CRX: variants seen among roughly 807,000 people sequenced by gnomAD.
CRX encodes the protein cone-rod homeobox, also known as cone-rod homeobox protein.
CRX carries 5 observed loss-of-function variants against 13.1 expected under a neutral mutation model. The observed-to-expected ratio is 0.38, with a 90% CI of 0.20 to 0.80. The LOEUF is 0.80. CRX is among the 30% of genes least tolerant of loss of function. The pLI is 0.43. For synonymous variants in CRX, 179 were observed against 171.1 expected (o/e 1.05, Z -0.36); for missense variants, 351 against 391.8 (o/e 0.90, Z 0.88).
At chr19:47,823,256 A>C (rs913482475) in intron 1 of CRX, among the ~76,000 whole-genome samples, 2 of 152,178 alleles carry the variant, frequency 1.3e-5, no homozygotes, top group African/African-American at 4.8e-5. Flanking sequence ...GAATGAATGA[A>C]TGAAGGGCAG....
intron 2 of CRX, among the ~76,000 whole-genome samples, chr19:47,835,948 ACGG>A (rs1968112245): frequency 6.6e-6 from 1 of 152,042 alleles, no homozygotes; most frequent in Admixed American, 6.6e-5. Context: ...TAGGCTAGAA[ACGG>A]TTGAATGTCA....
intron 1 of CRX, among the ~76,000 whole-genome samples, chr19:47,829,586 C>G (rs1428839923): frequency 1.3e-5 from 2 of 152,084 alleles, no homozygotes; most frequent in Non-Finnish European, 2.9e-5. Context: ...CTGCCTCGGC[C>G]TCCCAAAGTG....
At chr19:47,829,471 A>G (rs1968017281) in intron 1 of CRX, among the ~76,000 whole-genome samples, 1 of 152,014 alleles carries the variant, frequency 6.6e-6, no homozygotes, top group African/African-American at 2.4e-5. Context: ...AGCTGGGATT[A>G]CAGGCGCCCA....
In CRX at chr19:47,839,482, T is replaced by C. The variant is rs373281561; in HGVS notation, c.415T>C (p.Ser139Pro). 5 of 1,613,754 alleles carry C rather than the reference T, an allele frequency of 3.1e-6. No homozygotes were observed. In the African/African-American group the frequency reaches 6.7e-5, roughly 22 times the overall value. The change falls in exon 4 of 4, where the codon TCA (serine) becomes CCA (proline). Residue 139 changes from serine to proline, a missense_variant. By Grantham distance (74) the Ser-to-Pro change is moderately conservative (BLOSUM62 -1). Around this residue, in one of 3 missense-constraint regions of CRX, gnomAD observed 253 missense variants for 268.3 expected, o/e 0.94. Transcript: ENST00000221996. The surrounding 1 kb of genome is among the most constrained non-coding windows in gnomAD (Gnocchi z 4.6). ...TGTGTGTCCAGACCCTCTGGGCATC[T>C]CAGATTCCTACAGTCCCCCTCTGCC... ...TDVCPDPLGI[S>P]DSYSPPLPGP...
rs1568625993 is a variant in CRX, at chr19:47,839,351, GGCAGCAGCGACAGCAGCAGAAACAGCA to G, written c.293_319del (p.Arg98_Gln106del). 6.2e-7 allele frequency: 1 copy of G among 1,613,616 alleles called. No individual in the cohort carries two copies. The highest frequency in any genetic ancestry group is 8.5e-7 in the Non-Finnish European group (1 of 1,179,802). ...TTCAAGAACCGGAGGGCTAAATGCA[GGCAGCAGCGACAGCAGCAGAAACAGCA>G]GCAGCAGCCCCCAGGGGGCCAGGCC... On this transcript the variant is annotated inframe_deletion, in exon 4 of 4. Coordinates refer to ENST00000221996, the MANE Select transcript of CRX (RefSeq NM_000554.6). This position sits in a 1 kb window ranked among gnomAD's most constrained non-coding sequence, Gnocchi z 4.6.
In CRX at chr19:47,839,475, G is replaced by C. The variant is rs772023399; in HGVS notation, c.408G>C (p.Leu136=). The change falls in exon 4 of 4, where the codon CTG becomes CTC. Residue 136 remains leucine (L), a synonymous_variant. Coordinates refer to ENST00000221996, the MANE Select transcript of CRX (RefSeq NM_000554.6). The surrounding 1 kb of genome is among the most constrained non-coding windows in gnomAD (Gnocchi z 4.6). Reference sequence around the variant, plus strand: ...CCACAGATGTGTGTCCAGACCCTCTGGGCATCTCAGATTCCTACAGTCCCC... The same window carrying C: ...CCACAGATGTGTGTCCAGACCCTCTCGGCATCTCAGATTCCTACAGTCCCC... ...RPSTDVCPDP[L]GISDSYSPPL... is the part of the protein sequence containing the mutation. 34 of 1,613,996 alleles carry C rather than the reference G, an allele frequency of 2.1e-5. No individual in the cohort carries two copies. The highest frequency in any genetic ancestry group is 2.8e-5 in the Non-Finnish European group (33 of 1,179,938).
intron 1 of CRX, among the ~76,000 whole-genome samples, chr19:47,829,089 C>T (rs1968012906): frequency 6.6e-6 from 1 of 151,904 alleles, no homozygotes; most frequent in South Asian, 2.1e-4. Flanking sequence ...AAAATCAATG[C>T]CTCATTTTGT....
rs1345694920 is a variant in CRX at position 47,836,679 on chromosome 19, C to A, written c.252+285C>A. Among the ~76,000 whole-genome samples, 3 of 152,320 alleles carry A rather than the reference C, an allele frequency of 2.0e-5. No individual in the cohort carries two copies. The East Asian group carries it at 5.8e-4, about 29-fold the overall frequency. On this transcript the variant is annotated intron_variant, in intron 3 of 3. Transcript: ENST00000221996. Reference sequence around the variant, plus strand: ...TGGAATGCTTATTTCCAGATAACCACACAGCAGGCCCCATCGCCTTGTTCG... The same window carrying A: ...TGGAATGCTTATTTCCAGATAACCAAACAGCAGGCCCCATCGCCTTGTTCG...
intron 1 of CRX, among the ~76,000 whole-genome samples, chr19:47,824,380 T>C (rs1967949708): frequency 6.6e-6 from 1 of 152,182 alleles, no homozygotes; most frequent in Non-Finnish European, 1.5e-5. Flanking sequence ...GGGCAGGTGC[T>C]GGCCCAGCTC....
In CRX at chr19:47,841,647, C is replaced by G. The variant is rs1599995814; in HGVS notation, c.*1680C>G. ...TAGAGCTTGGCTTGAGGACATTTTC[C>G]TGGGGTGGCACCATTATTTCTTGAA... On this transcript the variant is annotated 3_prime_UTR_variant, in exon 4 of 4. Transcript: ENST00000221996. The G allele has an allele frequency of 6.8e-6, 1 of 148,100 alleles. No individual in the cohort carries two copies. The highest frequency in any genetic ancestry group is 2.0e-4 in the East Asian group (1 of 5,106). The allele number at this position is 148,100 out of a possible 1,614,324, so 9.2% of individuals were successfully genotyped here.
In CRX at chr19:47,834,203, C is replaced by G. The variant is rs960985447; in HGVS notation, c.-35-206C>G. 2.6e-5 allele frequency among the ~76,000 whole-genome samples: 4 copies of G among 152,170 alleles called. No individual in the cohort carries two copies. The South Asian group carries it at 6.2e-4, about 24-fold the overall frequency. Reference sequence around the variant, plus strand: ...TGAGGCACATGATGGCTTCAGCTGTCTGCTTTGCAGAGTCTCAAGAAAGCT... The same window carrying G: ...TGAGGCACATGATGGCTTCAGCTGTGTGCTTTGCAGAGTCTCAAGAAAGCT... On this transcript the variant is annotated intron_variant, in intron 1 of 3. Transcript: ENST00000221996.
intron 2 of CRX, among the ~76,000 whole-genome samples, chr19:47,835,562 G>A (rs1210839521): frequency 1.4e-5 from 2 of 145,984 alleles, no homozygotes; most frequent in Non-Finnish European, 3.0e-5. Context: ...TTTTTGTAAA[G>A]CCTTATTTTT....
At chr19:47,828,967 A>G (rs2123733247) in intron 1 of CRX, among the ~76,000 whole-genome samples, 1 of 151,740 alleles carries the variant, frequency 6.6e-6, no homozygotes, top group South Asian at 2.1e-4. Context: ...CAAACTATAG[A>G]GACAAGATAT....
chr19:47,838,629 T>A (rs901101256), intron 3 of CRX, among the ~76,000 whole-genome samples: 1 of 152,056 alleles, frequency 6.6e-6, no homozygotes, highest in Non-Finnish European at 1.5e-5. Flanking sequence ...TATATGTGTA[T>A]GATGTATGTA....
At chr19:47,838,421 T>G (rs1346990286) in intron 3 of CRX, among the ~76,000 whole-genome samples, 1 of 152,134 alleles carries the variant, frequency 6.6e-6, no homozygotes, top group Non-Finnish European at 1.5e-5. Flanking sequence ...TGGATTAATG[T>G]GTATATATGT....
At chr19:47,825,417 C>G (rs116501005) in intron 1 of CRX, among the ~76,000 whole-genome samples, 1 of 152,152 alleles carries the variant, frequency 6.6e-6, no homozygotes, top group East Asian at 1.9e-4. Flanking sequence ...CGTGCCACCA[C>G]GCCCAGCCCT....
Position 47,841,959 on chromosome 19 carries a change from T to C in CRX, c.*1992T>C, listed in dbSNP as rs560044898. ...GGTTGGTTGTGGAGTGTTTGTCAGT[T>C]TCCGTGGTGTAAATACTCCCACCAC... On this transcript the variant is annotated 3_prime_UTR_variant, in exon 4 of 4. Transcript: ENST00000221996. 1 of 152,288 alleles carries C rather than the reference T, an allele frequency of 6.6e-6. No homozygotes were observed. Among genetic ancestry groups the C allele is most frequent in the African/African-American group, 2.4e-5 (1 of 41,538 alleles). The allele number at this position is 152,288 out of a possible 1,614,324, so 9.4% of individuals were successfully genotyped here.
chr19:47,822,802 G>T (rs1271253010), intron 1 of CRX, among the ~76,000 whole-genome samples: 1 of 151,698 alleles, frequency 6.6e-6, no homozygotes, highest in Non-Finnish European at 1.5e-5. Flanking sequence ...GTTTTTTTTT[G>T]TTTGTTTTTG....
intron 3 of CRX, 119 bp downstream of exon 3, chr19:47,836,513 G>C (rs1968119976): frequency 7.5e-7 from 1 of 1,337,540 alleles, no homozygotes; most frequent in Admixed American, 1.8e-5. Context: ...AGTTATAAAG[G>C]GGACAATAAT....
Sources: gnomAD v4.1 joint callset for allele counts (sites outside exome capture counted in the v4.1 genomes callset) on GRCh38, gnomAD v4.1.1 for gene constraint, gnomAD v4.1.1 regional missense constraint, Gnocchi (gnomAD v3.1) non-coding constraint, MANE v1.5 for transcripts, NCBI Gene and HGNC (gene_info 2026-07-23, HGNC 2026-07-21) for gene names.